Variants in CCSER1 observed in about 807,000 individuals in gnomAD.
CCSER1 encodes the protein serine-rich coiled-coil domain-containing protein 1.
Under a neutral mutation model 82.0 loss-of-function variants are expected in CCSER1, and 41 were observed. The ratio of observed to expected loss-of-function variants is 0.50; its 90% confidence interval spans 0.39 to 0.65. The LOEUF is 0.65. Among genes scored for constraint, CCSER1 ranks in the 30% least tolerant of loss-of-function variants. The probability of loss-of-function intolerance (pLI) is 0.00; values close to 1 mark genes in which losing one functional copy is unlikely to be tolerated. For missense variants in CCSER1, 1,119 were observed against 1,064.2 expected, an observed-to-expected ratio of 1.05 and a Z score of -0.72; for synonymous variants, 414 against 383.9, an observed-to-expected ratio of 1.08 and a Z score of -0.92.
chr4:91,303,913 G>A (rs777013377), intron 10 of CCSER1, among the ~76,000 whole-genome samples: 7 of 151,908 alleles, frequency 4.6e-5, no homozygotes, highest in Non-Finnish European at 7.4e-5. Flanking sequence ...GAGCAGGGTG[G>A]GAGGATATAT....
intron 10 of CCSER1, among the ~76,000 whole-genome samples, chr4:91,288,505 G>A (rs1274176036): frequency 6.6e-6 from 1 of 151,878 alleles, no homozygotes; most frequent in African/African-American, 2.4e-5. Flanking sequence ...TAAATATGGT[G>A]AGAATTTGCA....
chr4:90,576,898 T>C (rs1780835136), intron 5 of CCSER1, among the ~76,000 whole-genome samples: 1 of 152,258 alleles, frequency 6.6e-6, no homozygotes, highest in Non-Finnish European at 1.5e-5. Context: ...AGTAGTGCAA[T>C]TGCTAGATCA....
chr4:91,558,254 G>T (rs1762493945), intron 10 of CCSER1, among the ~76,000 whole-genome samples: 2 of 150,062 alleles, frequency 1.3e-5, no homozygotes, highest in South Asian at 4.2e-4. Context: ...GTGTATTATT[G>T]GTTCCCATGT....
At chr4:90,896,330 G>A (rs1723710695) in intron 8 of CCSER1, among the ~76,000 whole-genome samples, 1 of 151,944 alleles carries the variant, frequency 6.6e-6, no homozygotes, top group African/African-American at 2.4e-5. Flanking sequence ...TTAAAAAGAA[G>A]TTGTATAGAT....
chr4:90,590,687 T>G (rs1368601823), intron 5 of CCSER1, among the ~76,000 whole-genome samples: 1 of 152,184 alleles, frequency 6.6e-6, no homozygotes, highest in Non-Finnish European at 1.5e-5. Flanking sequence ...ACCATGCTGT[T>G]TTGGTTACTG....
At chr4:91,412,241 A>G (rs1261188799) in intron 10 of CCSER1, among the ~76,000 whole-genome samples, 1 of 152,008 alleles carries the variant, frequency 6.6e-6, no homozygotes, top group Non-Finnish European at 1.5e-5. Flanking sequence ...CCATGCCACC[A>G]GAACCATCCA....
intron 1 of CCSER1, among the ~76,000 whole-genome samples, chr4:90,238,592 C>T (rs1220178492): frequency 1.3e-5 from 2 of 152,144 alleles, no homozygotes; most frequent in African/African-American, 2.4e-5. Flanking sequence ...TGAAACAGAG[C>T]TGTCCTGGTT....
At chr4:90,427,059 C>T (rs1384231002) in intron 4 of CCSER1, among the ~76,000 whole-genome samples, 1 of 152,012 alleles carries the variant, frequency 6.6e-6, no homozygotes, top group Non-Finnish European at 1.5e-5. Flanking sequence ...AAGACAGCTT[C>T]CTTTCTAACC....
chr4:90,507,809 A>G (rs1770923409), intron 5 of CCSER1, among the ~76,000 whole-genome samples: 1 of 152,020 alleles, frequency 6.6e-6, no homozygotes, highest in Non-Finnish European at 1.5e-5. Flanking sequence ...ATTCTTTTTT[A>G]GTTGTGCTAG....
intron 5 of CCSER1, among the ~76,000 whole-genome samples, chr4:90,557,762 G>A (rs898255324): frequency 2.6e-5 from 4 of 152,006 alleles, no homozygotes; most frequent in Non-Finnish European, 5.9e-5. Context: ...GGACTTCTAC[G>A]AATGTGGCAA....
chr4:90,696,835 C>A (rs1737074342), intron 6 of CCSER1, among the ~76,000 whole-genome samples: 2 of 152,062 alleles, frequency 1.3e-5, no homozygotes. Flanking sequence ...TAATTAGATA[C>A]CTGTGGAGCT....
chr4:90,744,413 T>A (rs73833788), intron 7 of CCSER1, among the ~76,000 whole-genome samples: 7,872 of 152,264 alleles, frequency 0.052, 463 homozygotes, highest in African/African-American at 0.14. Context: ...AGTTTTGGAC[T>A]TTATTTGAAA....
In CCSER1 at chr4:91,446,674, TAA is replaced by T. The variant is rs1491503552; in HGVS notation, c.2218-151896_2218-151895del. On this transcript the variant is annotated intron_variant, in intron 10 of 10. Transcript: ENST00000509176. ...TATACAAATATATATTTTAAATAAA[TAA>T]ATATATATATATATATAATAGTCCT... is the stretch of plus-strand genomic sequence containing the variant. 2.6e-3 allele frequency among the ~76,000 whole-genome samples: 378 copies of T among 145,748 alleles called. 1 individual carries two copies. The highest frequency in any genetic ancestry group is 8.2e-3 in the African/African-American group (329 of 40,318).
At chr4:90,696,536 T>C in intron 6 of CCSER1, among the ~76,000 whole-genome samples, 1 of 152,178 alleles carries the variant, frequency 6.6e-6, no homozygotes, top group East Asian at 1.9e-4. Context: ...CACGTCCTAA[T>C]TGAATAACGA....
intron 10 of CCSER1, among the ~76,000 whole-genome samples, chr4:91,559,004 A>G (rs1428061813): frequency 6.6e-6 from 1 of 151,652 alleles, no homozygotes; most frequent in African/African-American, 2.4e-5. Context: ...TTCATGGTTC[A>G]TTCTAGGAGC....
chr4:91,423,754 C>A (rs942577424), intron 10 of CCSER1, among the ~76,000 whole-genome samples: 1 of 152,044 alleles, frequency 6.6e-6, no homozygotes, highest in East Asian at 1.9e-4. Flanking sequence ...CTGGTCATCT[C>A]CTTCAAAGAA....
intron 10 of CCSER1, among the ~76,000 whole-genome samples, chr4:91,404,318 A>C (rs764316604): frequency 3.3e-5 from 5 of 151,462 alleles, no homozygotes; most frequent in Admixed American, 6.6e-5. Context: ...GCAGTCTATC[A>C]ATTTTGTTGA....
At chr4:90,871,285 A>C (rs183739555) in intron 8 of CCSER1, among the ~76,000 whole-genome samples, 2 of 147,446 alleles carry the variant, frequency 1.4e-5, no homozygotes, top group Middle Eastern at 3.5e-3. Context: ...TTCAAGTTTT[A>C]AAAAAAAATA....
intron 9 of CCSER1, among the ~76,000 whole-genome samples, chr4:91,011,865 T>C (rs73834721): frequency 0.056 from 7,534 of 134,466 alleles, 1,111 homozygotes; most frequent in African/African-American, 0.16. Context: ...TGGAACACAA[T>C]TGTGGCTTGG....
Sources: gnomAD v4.1 joint callset for allele counts (sites outside exome capture counted in the v4.1 genomes callset) on GRCh38, gnomAD v4.1.1 for gene constraint, MANE v1.5 for transcripts, NCBI Gene and HGNC (gene_info 2026-07-23, HGNC 2026-07-21) for gene names.